The following TMEM59L variants were observed in gnomAD, a reference collection of about 807,000 sequenced individuals.
TMEM59L encodes transmembrane protein 59 like, also known as transmembrane protein 59-like.
In TMEM59L, 31 loss-of-function variants were observed where a neutral mutation model predicts 39.6. The observed-to-expected ratio is 0.78, with a 90% confidence interval of 0.59 to 1.06. The LOEUF (loss-of-function observed/expected upper bound fraction) is 1.06, where lower values mean the gene tolerates loss of function less well. Among genes scored for constraint, TMEM59L ranks in the 50% least tolerant of loss-of-function variants. The pLI, the probability that TMEM59L is intolerant of heterozygous loss-of-function variation, is 0.00. For synonymous variants in TMEM59L, 219 were observed against 202.9 expected, an observed-to-expected ratio of 1.08 and a Z score of -0.68; for missense variants, 441 against 451.3, an observed-to-expected ratio of 0.98 and a Z score of 0.21.
chr19:18,616,076 C>T lies in TMEM59L; in HGVS notation c.510C>T (p.Ser170=), dbSNP rs149737784. 1,274 of 1,614,162 alleles carry T rather than the reference C, an allele frequency of 7.9e-4. 9 individuals carry two copies. The African/African-American group carries it at 0.015, about 19-fold the overall frequency. The change falls in exon 4 of 8, where the codon TCC becomes TCT. Residue 170 remains serine (S), a synonymous_variant. Coordinates refer to ENST00000262817, the MANE Select transcript of TMEM59L (RefSeq NM_012109.3). ...LVNSAQGFVS[S]TWTYYLQTDN... ...ACTCAGCCCAGGGATTTGTCTCCTC[C>T]ACCTGGACATACTACTTGCAGACTG...
intron 4 of TMEM59L, 30 bp downstream of exon 4, chr19:18,616,157 GTGGCAGA>G: frequency 6.2e-7 from 1 of 1,611,936 alleles, no homozygotes; most frequent in Non-Finnish European, 8.5e-7. Context: ...CCACGCCAGA[GTGGCAGA>G]TGGGTGGGCA....
intron 7 of TMEM59L, 39 bp downstream of exon 7, chr19:18,618,531 G>A (rs746103726): frequency 1.9e-6 from 3 of 1,573,414 alleles, no homozygotes; most frequent in South Asian, 2.3e-5. Context: ...CCGAGGGAGG[G>A]GGTGAAGGCA....
rs1976399958 is a variant in TMEM59L at position 18,613,949 on chromosome 19, C to G, written c.249C>G (p.Leu83=). 1.2e-6 allele frequency: 2 copies of G among 1,613,272 alleles called. No homozygotes were observed. Among genetic ancestry groups the G allele is most frequent in the Non-Finnish European group, 1.7e-6 (2 of 1,180,036 alleles). The change falls in exon 2 of 8, where the codon CTC becomes CTG. Residue 83 remains leucine, a synonymous_variant. Coordinates refer to ENST00000262817, the MANE Select transcript of TMEM59L (RefSeq NM_012109.3). ...GCGCTTGCGAGCGTGGCTGCCGCCT[C>G]TTCTCCATCTGCCGATTTGTGGCCA... ...LISACERGCR[L]FSICRFVARS...
At chr19:18,615,528 A>G (rs760463827) in intron 3 of TMEM59L, among the ~76,000 whole-genome samples, 4 of 152,238 alleles carry the variant, frequency 2.6e-5, no homozygotes, top group African/African-American at 4.8e-5. Context: ...TGTGTTCACT[A>G]TAAGAAGTCC....
At chr19:18,613,819 C>T in intron 1 of TMEM59L, 53 bp from the exon 2 acceptor site, 3 of 1,429,320 alleles carry the variant, frequency 2.1e-6, no homozygotes, top group Non-Finnish European at 2.9e-6. Flanking sequence ...GGTCCCCCCA[C>T]CCTCCTCCTG....
rs138872725 is a variant in TMEM59L, at chr19:18,617,653, T to C, written c.665-502T>C. On this transcript the variant is annotated intron_variant, in intron 5 of 7. Coordinates refer to ENST00000262817, the MANE Select transcript of TMEM59L (RefSeq NM_012109.3). ...CTCTCAGGGTTCCATGGTTCATCTC[T>C]TAGGATTCTGCAGTTCATCTCCCAG... 651 of 439,888 alleles carry C rather than the reference T, an allele frequency of 1.5e-3. 6 individuals are homozygous for C. The highest frequency in any genetic ancestry group is 0.013 in the African/African-American group (585 of 44,078). The allele number at this position is 439,888 out of a possible 1,614,324, so 27.2% of individuals were successfully genotyped here. A position where few individuals can be genotyped will look rare whatever the true frequency, so the allele number is the denominator to read the frequency against.
intron 7 of TMEM59L, among the ~76,000 whole-genome samples, 179 bp downstream of exon 7, chr19:18,618,671 GTGTA>G (rs1278901990): frequency 3.7e-3 from 146 of 39,986 alleles, no homozygotes; most frequent in African/African-American, 0.011. Flanking sequence ...GTGTGTGTGT[GTGTA>G]TATATATATA....
At chr19:18,616,569 T>A (rs1976430303) in intron 4 of TMEM59L, among the ~76,000 whole-genome samples, 1 of 152,096 alleles carries the variant, frequency 6.6e-6, no homozygotes, top group Non-Finnish European at 1.5e-5. Flanking sequence ...ATTTTTGTAT[T>A]TTTAGTGGAG....
chr19:18,619,613 G>A (rs1976470907), intron 7 of TMEM59L, among the ~76,000 whole-genome samples: 1 of 151,834 alleles, frequency 6.6e-6, no homozygotes, highest in South Asian at 2.1e-4. Flanking sequence ...GACCATCCTG[G>A]CTAACAAGGT....
chr19:18,617,983 T>C, intron 5 of TMEM59L, 172 bp from the exon 6 acceptor site: 1 of 661,814 alleles, frequency 1.5e-6, no homozygotes, highest in Non-Finnish European at 2.7e-6. Flanking sequence ...CTAGGATCCA[T>C]CTCCCAGGGT....
chr19:18,618,671 GTGTATA>G (rs1431468877), intron 7 of TMEM59L, among the ~76,000 whole-genome samples, 179 bp downstream of exon 7: 564 of 39,970 alleles, frequency 0.014, 7 homozygotes, highest in African/African-American at 0.049. Context: ...GTGTGTGTGT[GTGTATA>G]TATATATATA....
rs1976386986 is a variant in TMEM59L at position 18,613,033 on chromosome 19, G to A, written c.75G>A (p.Ala25=). The change falls in exon 1 of 8, where the codon GCG becomes GCA. Residue 25 remains alanine (A), a synonymous_variant. Transcript: ENST00000262817. ...LLLASPPAAS[A]PSARDPFAPQ... The stretch of plus-strand genomic sequence containing the variant: ...TGGCGTCGCCGCCCGCCGCCTCCGC[G>A]CCGTCCGCCCGCGATCCCTTCGCCC... 2 of 1,392,956 alleles carry A rather than the reference G, an allele frequency of 1.4e-6. No homozygotes were observed. Among genetic ancestry groups the A allele is most frequent in the East Asian group, 3.1e-5 (1 of 32,520 alleles). 86.3% of individuals were successfully genotyped at this position (1,392,956 alleles called of 1,614,324 possible).
At position 18,613,135 on chromosome 19, in the gene TMEM59L, G is replaced by C. The variant is rs975357260; in HGVS notation, c.171+6G>C. The C allele has an allele frequency of 2.3e-6, 3 of 1,276,608 alleles. No individual in the cohort carries two copies. Among genetic ancestry groups the C allele is most frequent in the Admixed American group, 4.2e-5 (1 of 23,822 alleles). 79.1% of individuals were successfully genotyped at this position (1,276,608 alleles called of 1,614,324 possible). On this transcript the variant is annotated splice_donor_region_variant and intron_variant, in intron 1 of 7. Transcript: ENST00000262817. ...TCGGCCCGCAGCCCTCGCAGGTGAG[G>C]CGCGTGCGGTGCCAGGTGCCAGCGG...
intron 4 of TMEM59L, 41 bp from the exon 5 acceptor site, chr19:18,616,959 G>A: frequency 6.6e-7 from 1 of 1,505,698 alleles, no homozygotes; most frequent in Non-Finnish European, 9.1e-7. Context: ...CAGGGGTGCT[G>A]TTCTCACAAG....
Position 18,616,095 on chromosome 19 carries a change from C to G in TMEM59L, c.529C>G (p.Gln177Glu). ...FVSSTWTYYL[Q>E]TDNGKVVVFQ... ...CTCCTCCACCTGGACATACTACTTGCAGACTGACAATGGGAAAGTGGTGGT... is the reference window on the plus strand; with the variant it reads ...CTCCTCCACCTGGACATACTACTTGGAGACTGACAATGGGAAAGTGGTGGT... The change falls in exon 4 of 8, where the codon CAG becomes GAG. Residue 177 changes from glutamine (Q) to glutamate (E), a missense_variant. Gln to Glu is a conservative substitution (Grantham distance 29). Transcript: ENST00000262817. 1.2e-6 allele frequency: 2 copies of G among 1,614,112 alleles called. No individual in the cohort carries two copies. Among genetic ancestry groups the G allele is most frequent in the Non-Finnish European group, 1.7e-6 (2 of 1,179,986 alleles).
At chr19:18,613,257 G>C in intron 1 of TMEM59L, 128 bp downstream of exon 1, 1 of 1,003,252 alleles carries the variant, frequency 1.0e-6, no homozygotes, top group Non-Finnish European at 1.3e-6. Context: ...GGAGGTGGGG[G>C]TCGGGAATGG....
chr19:18,618,740 G>A (rs1210147497), intron 7 of TMEM59L, among the ~76,000 whole-genome samples: 1 of 148,330 alleles, frequency 6.7e-6, no homozygotes, highest in Non-Finnish European at 1.5e-5. Flanking sequence ...TGTCACCTGG[G>A]CTGGAGTGCA....
chr19:18,617,668 T>C (rs1465112481), intron 5 of TMEM59L: 1 of 447,564 alleles, frequency 2.2e-6, no homozygotes, highest in South Asian at 1.6e-5. Context: ...ATTCTGCAGT[T>C]CATCTCCCAG....
chr19:18,616,695 T>G (rs542110999), intron 4 of TMEM59L, among the ~76,000 whole-genome samples: 1 of 152,300 alleles, frequency 6.6e-6, no homozygotes, highest in African/African-American at 2.4e-5. Context: ...CCCGGCTCCC[T>G]CTGGGGTTTT....
Sources: gnomAD v4.1 joint callset for allele counts (sites outside exome capture counted in the v4.1 genomes callset) on GRCh38, gnomAD v4.1.1 for gene constraint, MANE v1.5 for transcripts, NCBI Gene and HGNC (gene_info 2026-07-23, HGNC 2026-07-21) for gene names.